C6orf118: variants seen among roughly 807,000 people sequenced by gnomAD.
C6orf118 encodes the protein uncharacterized protein C6orf118.
Under a neutral mutation model 50.2 loss-of-function variants are expected in C6orf118, and 50 were observed. The ratio of observed to expected loss-of-function variants is 1.00; its 90% CI spans 0.79 to 1.26. The LOEUF (loss-of-function observed/expected upper bound fraction) is 1.26, where lower values mean the gene tolerates loss of function less well. Among genes scored for constraint, C6orf118 ranks in the 50% most tolerant of loss-of-function variants. C6orf118 has a pLI of 0.00. For synonymous variants in C6orf118, 239 were observed against 230.9 expected (o/e 1.03, Z -0.32); for missense variants, 641 against 578.7 (o/e 1.11, Z -1.10).
In C6orf118 at chr6:165,301,562, T is replaced by G; in HGVS notation, c.753+7A>C. 6.2e-7 allele frequency: 1 copy of G among 1,607,152 alleles called. No homozygotes were observed. The highest frequency in any genetic ancestry group is 8.5e-7 in the Non-Finnish European group (1 of 1,176,824). ...CCCTGAGACCACCGCAGGGCTGCCC[T>G]CCTCACCTGCTGCAGCTTTCTCTCG... is the stretch of plus-strand genomic sequence containing the variant. On this transcript the variant is annotated splice_region_variant and intron_variant, in intron 2 of 8. Transcript: ENST00000230301.
chr6:165,300,460 G>A lies in C6orf118; in HGVS notation c.780C>T (p.Ser260=). 2 of 1,612,508 alleles carry A rather than the reference G, an allele frequency of 1.2e-6. No individual in the cohort carries two copies. The highest frequency in any genetic ancestry group is 2.2e-5 in the South Asian group (2 of 90,930). Residue 260 remains serine (S), a synonymous_variant, in exon 3 of 9, where the codon AGC becomes AGT. Transcript: ENST00000230301. Reference sequence around the variant, plus strand: ...CGTGCAGTCTGTTGAACTGCTGGGGGCTGCACGTGCAAATTTTCTGGAGCT... The same window carrying A: ...CGTGCAGTCTGTTGAACTGCTGGGGACTGCACGTGCAAATTTTCTGGAGCT... The part of the protein sequence containing the change: ...QQELQKICTC[S]PQQFNRLHVF...
intron 4 of C6orf118, among the ~76,000 whole-genome samples, chr6:165,298,333 C>G (rs1780389945): frequency 6.6e-6 from 1 of 152,116 alleles, no homozygotes; most frequent in Admixed American, 6.5e-5. Context: ...GTTTATTTTT[C>G]TAAGAAATGG....
chr6:165,294,074 A>G (rs1486808972), intron 5 of C6orf118, among the ~76,000 whole-genome samples: 1 of 151,898 alleles, frequency 6.6e-6, no homozygotes, highest in Non-Finnish European at 1.5e-5. Flanking sequence ...GTGAAACCCC[A>G]TCTCCACTGA....
At position 165,308,563 on chromosome 6, in the gene C6orf118, C is replaced by T. The variant is rs144473575; in HGVS notation, c.25+999G>A. 7.0e-3 allele frequency among the ~76,000 whole-genome samples: 1,070 copies of T among 152,264 alleles called. 15 individuals carry two copies. Among genetic ancestry groups the T allele is most frequent in the African/African-American group, 0.024 (1,011 of 41,548 alleles). ...CTAGAAAGCAGCAAAACTGACCTTA[C>T]CCTCGAGTCCAGCCTGGTGACAGCC... On this transcript the variant is annotated intron_variant, in intron 1 of 8. Coordinates refer to ENST00000230301, the MANE Select transcript of C6orf118 (RefSeq NM_144980.4).
rs191062484 is a variant in C6orf118 at position 165,293,392 on chromosome 6, G to A, written c.1120+21C>T. The A allele has an allele frequency of 5.6e-3, 9,082 of 1,611,108 alleles. 134 individuals carry two copies. Among genetic ancestry groups the A allele is most frequent in the Admixed American group, 0.051 (3,081 of 60,006 alleles). On this transcript the variant is annotated intron_variant, in intron 6 of 8. Transcript: ENST00000230301. ...GTCACAGCAAAGCACCCATAAGGAAGGACATCACACAGACACCTGCCTGAT... is the reference window on the plus strand; with the variant it reads ...GTCACAGCAAAGCACCCATAAGGAAAGACATCACACAGACACCTGCCTGAT...
intron 7 of C6orf118, among the ~76,000 whole-genome samples, chr6:165,283,764 G>C (rs1466888618): frequency 6.6e-6 from 1 of 152,048 alleles, no homozygotes; most frequent in Admixed American, 6.6e-5. Flanking sequence ...CAAACAAACA[G>C]AAAGCAACAA....
chr6:165,290,649 A>G (rs1780076199), intron 6 of C6orf118, among the ~76,000 whole-genome samples: 1 of 152,148 alleles, frequency 6.6e-6, no homozygotes, highest in South Asian at 2.1e-4. Context: ...AAAGATGTTG[A>G]GGGCTTTTAA....
At chr6:165,309,125 G>A (rs1420152719) in intron 1 of C6orf118, among the ~76,000 whole-genome samples, 1 of 152,244 alleles carries the variant, frequency 6.6e-6, no homozygotes, top group African/African-American at 2.4e-5. Context: ...CTTGATGAAT[G>A]TGGACGCGCT....
intron 5 of C6orf118, among the ~76,000 whole-genome samples, chr6:165,296,270 T>G (rs1780303612): frequency 6.8e-6 from 1 of 146,350 alleles, no homozygotes; most frequent in Non-Finnish European, 1.5e-5. Flanking sequence ...TTTTTTTTTT[T>G]TTTTTTTGCC....
At chr6:165,285,669 C>G (rs1447126042) in intron 7 of C6orf118, among the ~76,000 whole-genome samples, 1 of 152,098 alleles carries the variant, frequency 6.6e-6, no homozygotes, top group Non-Finnish European at 1.5e-5. Context: ...TCAACCTGCT[C>G]CTGAATGACT....
At position 165,280,066 on chromosome 6, in the gene C6orf118, G is replaced by C. The variant is rs199630099; in HGVS notation, c.1401C>G (p.Asn467Lys). 7.7e-5 allele frequency: 124 copies of C among 1,606,906 alleles called. No individual in the cohort carries two copies. Among genetic ancestry groups the C allele is most frequent in the Non-Finnish European group, 1.0e-4 (119 of 1,178,224 alleles). The change falls in exon 9 of 9, where the codon AAC becomes AAG. Residue 467 changes from asparagine to lysine, a missense_variant. Transcript: ENST00000230301. ...TTCAGCCACTTGAGCGTTATCTTCT[G>C]TTTCCTCTGATTTTACAAATTCCTT... Reference protein sequence around the residue: ...IYQGICKIRGNRR With the variant: ...IYQGICKIRGKRR
chr6:165,291,092 C>G (rs1780089960), intron 6 of C6orf118, among the ~76,000 whole-genome samples: 1 of 152,050 alleles, frequency 6.6e-6, no homozygotes, highest in African/African-American at 2.4e-5. Context: ...CAGTTGTCTA[C>G]CACCAGGTCC....
At position 165,300,463 on chromosome 6, in the gene C6orf118, G is replaced by C; in HGVS notation, c.777C>G (p.Cys259Trp). The stretch of plus-strand genomic sequence containing the variant: ...GCAGTCTGTTGAACTGCTGGGGGCT[G>C]CACGTGCAAATTTTCTGGAGCTCCT... Reference protein sequence around the residue: ...LQQELQKICTCSPQQFNRLHV... With the variant: ...LQQELQKICTWSPQQFNRLHV... The change falls in exon 3 of 9, where the codon TGC (cysteine) becomes TGG (tryptophan). Residue 259 changes from cysteine (C) to tryptophan (W), a missense_variant. Transcript: ENST00000230301. 1 of 1,612,014 alleles carries C rather than the reference G, an allele frequency of 6.2e-7. No individual in the cohort carries two copies. The highest frequency in any genetic ancestry group is 8.5e-7 in the Non-Finnish European group (1 of 1,178,990).
Position 165,300,429 on chromosome 6 carries a change from C to G in C6orf118, c.811G>C (p.Gly271Arg). Residue 271 changes from glycine to arginine, a missense_variant, in exon 3 of 9, where the codon GGA (glycine) becomes CGA (arginine). By Grantham distance (125) the Gly-to-Arg change is moderately radical. Coordinates refer to ENST00000230301, the MANE Select transcript of C6orf118 (RefSeq NM_144980.4). The stretch of plus-strand genomic sequence containing the variant: ...TTACAAATATCTTCAAAGACTTTTC[C>G]AAAGACGTGCAGTCTGTTGAACTGC... Reference protein sequence around the residue: ...PQQFNRLHVFGKVFEDICNSS... With the variant: ...PQQFNRLHVFRKVFEDICNSS... 1 of 1,613,950 alleles carries G rather than the reference C, an allele frequency of 6.2e-7. No individual in the cohort carries two copies. Among genetic ancestry groups the G allele is most frequent in the Non-Finnish European group, 8.5e-7 (1 of 1,179,886 alleles).
At chr6:165,281,550 CG>C in intron 8 of C6orf118, 89 bp downstream of exon 8, 1 of 1,432,370 alleles carries the variant, frequency 7.0e-7, no homozygotes, top group Non-Finnish European at 9.2e-7. Context: ...CAAAGAATTA[CG>C]ATCAGTTGGT....
chr6:165,309,218 T>A (rs1780851907), intron 1 of C6orf118, among the ~76,000 whole-genome samples: 1 of 152,224 alleles, frequency 6.6e-6, no homozygotes, highest in African/African-American at 2.4e-5. Context: ...AATCACCCTC[T>A]GAACAGCCTG....
At chr6:165,309,474 T>C in intron 1 of C6orf118, 88 bp downstream of exon 1, 4 of 1,514,098 alleles carry the variant, frequency 2.6e-6, no homozygotes, top group Non-Finnish European at 3.7e-6. Flanking sequence ...ATTTTCACAT[T>C]TCAAATCAGT....
chr6:165,301,799 C>G lies in C6orf118; in HGVS notation c.523G>C (p.Glu175Gln). The G allele has an allele frequency of 6.2e-7, 1 of 1,613,956 alleles. No individual in the cohort carries two copies. Among genetic ancestry groups the G allele is most frequent in the African/African-American group, 1.3e-5 (1 of 75,024 alleles). Residue 175 changes from glutamate to glutamine, a missense_variant, in exon 2 of 9, where the codon GAA (glutamate) becomes CAA (glutamine). Coordinates refer to ENST00000230301, the MANE Select transcript of C6orf118 (RefSeq NM_144980.4). ...TTCAAGTCGGGCAGCCGGAGTTCTT[C>G]CCTCCTGCGCCATCCAGGAGGGCCC... ...GRGPPGWRRREELRLPDLKVL... is the reference protein window; with the variant it reads ...GRGPPGWRRRQELRLPDLKVL...
At chr6:165,299,794 C>G (rs894024308) in intron 3 of C6orf118, among the ~76,000 whole-genome samples, 1 of 152,190 alleles carries the variant, frequency 6.6e-6, no homozygotes, top group Non-Finnish European at 1.5e-5. Flanking sequence ...AAGCGATTCT[C>G]CTGCCTCAGC....
Sources: gnomAD v4.1 joint callset for allele counts (sites outside exome capture counted in the v4.1 genomes callset) on GRCh38, gnomAD v4.1.1 for gene constraint, MANE v1.5 for transcripts, NCBI Gene and HGNC (gene_info 2026-07-23, HGNC 2026-07-21) for gene names.